Variants in MARCHF11 observed in about 807,000 individuals in gnomAD.
MARCHF11 encodes membrane associated ring-CH-type finger 11.
Under a neutral mutation model 37.3 loss-of-function variants are expected in MARCHF11, and 29 were observed. The observed-to-expected ratio is 0.78, with a 90% CI of 0.58 to 1.06. The LOEUF (loss-of-function observed/expected upper bound fraction) is 1.06. MARCHF11 is among the 50% of genes least tolerant of loss of function. The probability of loss-of-function intolerance (pLI) is 0.00; values close to 1 mark genes in which losing one functional copy is unlikely to be tolerated. For missense variants in MARCHF11, 482 were observed against 533.4 expected, an observed-to-expected ratio of 0.90 and a Z score of 0.95; for synonymous variants, 233 against 228.0, an observed-to-expected ratio of 1.02 and a Z score of -0.20.
intron 1 of MARCHF11, among the ~76,000 whole-genome samples, chr5:16,178,392 A>G (rs535327466): frequency 2.0e-5 from 3 of 152,206 alleles, no homozygotes; most frequent in Non-Finnish European, 4.4e-5. Context: ...CTCAGACCAC[A>G]CATTTGTAAG....
Position 16,179,453 on chromosome 5 carries a change from C to G in MARCHF11, c.123G>C (p.Pro41=), listed in dbSNP as rs866899785. 2.6e-3 allele frequency: 2,854 copies of G among 1,116,352 alleles called. 62 individuals carry two copies. In the African/African-American group the frequency reaches 0.044, roughly 17 times the overall value. 69.2% of individuals were successfully genotyped at this position (1,116,352 alleles called of 1,614,324 possible). A position where few individuals can be genotyped will look rare whatever the true frequency, so the allele number is the denominator to read the frequency against. The part of the protein sequence containing the change: ...PPTPPPGEPA[P]VPAAPRYLPP... ...GCAGGTAGCGCGGGGCCGCGGGGAC[C>G]GGGGCCGGCTCTCCCGGCGGCGGCG... The change falls in exon 1 of 4, where the codon CCG becomes CCC. Residue 41 remains proline, a synonymous_variant. Transcript: ENST00000332432.
At chr5:16,087,663 A>G (rs1736720601) in intron 3 of MARCHF11, among the ~76,000 whole-genome samples, 1 of 152,230 alleles carries the variant, frequency 6.6e-6, no homozygotes, top group South Asian at 2.1e-4. Flanking sequence ...GCCCTGATCT[A>G]GATGTTTCAA....
intron 2 of MARCHF11, among the ~76,000 whole-genome samples, chr5:16,102,176 G>A (rs1218543559): frequency 6.6e-6 from 1 of 152,216 alleles, no homozygotes; most frequent in Non-Finnish European, 1.5e-5. Context: ...AAGATCATAA[G>A]GTGGCTGAGT....
At chr5:16,154,779 T>A (rs905572890) in intron 2 of MARCHF11, among the ~76,000 whole-genome samples, 2 of 151,954 alleles carry the variant, frequency 1.3e-5, no homozygotes, top group African/African-American at 4.8e-5. Context: ...AACACAAGTT[T>A]AAAATAACAA....
chr5:16,107,825 T>C (rs1560976609), intron 2 of MARCHF11, among the ~76,000 whole-genome samples: 1 of 151,864 alleles, frequency 6.6e-6, no homozygotes, highest in Non-Finnish European at 1.5e-5. Context: ...TCTGAGCACC[T>C]AGAGGAGTTT....
At chr5:16,163,372 G>T (rs1579421550) in intron 2 of MARCHF11, among the ~76,000 whole-genome samples, 1 of 151,724 alleles carries the variant, frequency 6.6e-6, no homozygotes, top group East Asian at 1.9e-4. Flanking sequence ...TCCATCTAGG[G>T]ATTAAAAAAA....
At chr5:16,103,040 A>G (rs1736984545) in intron 2 of MARCHF11, among the ~76,000 whole-genome samples, 1 of 152,158 alleles carries the variant, frequency 6.6e-6, no homozygotes, top group East Asian at 1.9e-4. Flanking sequence ...TATTCATTCA[A>G]CATGCAACTT....
chr5:16,128,904 T>C (rs370854922), intron 2 of MARCHF11, among the ~76,000 whole-genome samples: 37 of 152,366 alleles, frequency 2.4e-4, no homozygotes, highest in African/African-American at 8.2e-4. Context: ...CCATCAATTG[T>C]AGACGAATAT....
At chr5:16,076,963 G>T (rs1218250158) in intron 3 of MARCHF11, among the ~76,000 whole-genome samples, 1 of 152,218 alleles carries the variant, frequency 6.6e-6, no homozygotes, top group Non-Finnish European at 1.5e-5. Flanking sequence ...TTCTGTAACA[G>T]CAAAGGCTGA....
intron 2 of MARCHF11, among the ~76,000 whole-genome samples, chr5:16,097,880 A>G (rs183420445): frequency 3.2e-4 from 48 of 152,350 alleles, no homozygotes; most frequent in African/African-American, 1.1e-3. Flanking sequence ...CAAAAACGTT[A>G]TAAGAAAAGA....
intron 2 of MARCHF11, among the ~76,000 whole-genome samples, chr5:16,121,251 CCTTT>C (rs757404116): frequency 6.6e-6 from 1 of 152,130 alleles, no homozygotes; most frequent in Non-Finnish European, 1.5e-5. Flanking sequence ...GCCAAGCATT[CCTTT>C]GTTTTTTTTG....
chr5:16,179,038 C>A lies in MARCHF11; in HGVS notation c.537+1G>T. On this transcript the variant is annotated splice_donor_variant, in intron 1 of 3. Coordinates refer to ENST00000332432, the MANE Select transcript of MARCHF11 (RefSeq NM_001102562.3). LOFTEE classifies it high-confidence loss of function. Reference sequence around the variant, plus strand: ...TGCCTCGGGGTCTCGCCGGGCCTTACCTGCTCCGCGCCCTGGAAGCAGATC... The same window carrying A: ...TGCCTCGGGGTCTCGCCGGGCCTTAACTGCTCCGCGCCCTGGAAGCAGATC... 2 of 1,474,272 alleles carry A rather than the reference C, an allele frequency of 1.4e-6. No homozygotes were observed. The highest frequency in any genetic ancestry group is 1.8e-6 in the Non-Finnish European group (2 of 1,118,632). The allele number at this position is 1,474,272 out of a possible 1,614,324, so 91.3% of individuals were successfully genotyped here.
At chr5:16,107,330 A>G (rs1338624624) in intron 2 of MARCHF11, among the ~76,000 whole-genome samples, 1 of 137,878 alleles carries the variant, frequency 7.3e-6, no homozygotes, top group Non-Finnish European at 1.5e-5. Context: ...TGGAAGCACT[A>G]TTGTTTTTTT....
chr5:16,073,879 T>C (rs1351853064), intron 3 of MARCHF11, among the ~76,000 whole-genome samples: 1 of 152,188 alleles, frequency 6.6e-6, no homozygotes, highest in African/African-American at 2.4e-5. Flanking sequence ...ACCTATAAAC[T>C]GTACCCTAGA....
At chr5:16,104,987 A>G (rs1416038332) in intron 2 of MARCHF11, among the ~76,000 whole-genome samples, 2 of 152,232 alleles carry the variant, frequency 1.3e-5, no homozygotes, top group East Asian at 3.8e-4. Context: ...GTGTTCACAT[A>G]GCTGTAACTT....
At chr5:16,093,064 G>A (rs986528580) in intron 2 of MARCHF11, among the ~76,000 whole-genome samples, 3 of 152,104 alleles carry the variant, frequency 2.0e-5, no homozygotes, top group East Asian at 1.9e-4. Flanking sequence ...GTCTATACAC[G>A]TTACTTTACC....
intron 2 of MARCHF11, among the ~76,000 whole-genome samples, chr5:16,157,369 G>C (rs1766409846): frequency 6.6e-6 from 1 of 151,852 alleles, no homozygotes; most frequent in Non-Finnish European, 1.5e-5. Flanking sequence ...AACCATCAAA[G>C]ACCCTGAATA....
intron 3 of MARCHF11, among the ~76,000 whole-genome samples, chr5:16,069,449 G>A (rs1394179305): frequency 3.3e-5 from 5 of 152,076 alleles, no homozygotes; most frequent in Non-Finnish European, 1.5e-5. Context: ...CTGGGTGGTG[G>A]AGATATTAAT....
chr5:16,174,373 G>C (rs1008696051), intron 2 of MARCHF11, among the ~76,000 whole-genome samples: 1 of 152,150 alleles, frequency 6.6e-6, no homozygotes, highest in African/African-American at 2.4e-5. Flanking sequence ...GTTTAACTAC[G>C]TTGTACAGGA....
Sources: allele counts gnomAD v4.1 joint callset (sites outside exome capture counted in the v4.1 genomes callset), GRCh38; gene constraint gnomAD v4.1.1; transcripts MANE v1.5; gene names NCBI Gene and HGNC (gene_info 2026-07-23, HGNC 2026-07-21).